The following SPAG16 variants were observed in gnomAD, a reference collection of about 807,000 sequenced individuals.
SPAG16 encodes the protein sperm-associated antigen 16 protein.
SPAG16 carries 86 observed loss-of-function variants against 80.4 expected under a neutral mutation model. The ratio of observed to expected loss-of-function variants is 1.07; its 90% CI spans 0.90 to 1.28. SPAG16 has a LOEUF of 1.28. Among genes scored for constraint, SPAG16 ranks in the 50% most tolerant of loss-of-function variants. The probability of loss-of-function intolerance (pLI) is 0.00; values close to 1 mark genes in which losing one functional copy is unlikely to be tolerated. For missense variants in SPAG16, 870 were observed against 765.3 expected, an observed-to-expected ratio of 1.14 and a Z score of -1.61; for synonymous variants, 294 against 265.9, an observed-to-expected ratio of 1.11 and a Z score of -1.03.
At chr2:213,288,681 T>G (rs2126048434) in intron 1 of SPAG16, among the ~76,000 whole-genome samples, 1 of 152,118 alleles carries the variant, frequency 6.6e-6, no homozygotes, top group African/African-American at 2.4e-5. Context: ...TGTAGTTGAG[T>G]AAGTAAAACA....
chr2:213,441,493 C>G (rs1341837475), intron 9 of SPAG16, among the ~76,000 whole-genome samples: 1 of 152,126 alleles, frequency 6.6e-6, no homozygotes, highest in Non-Finnish European at 1.5e-5. Flanking sequence ...GGGGTAGTGA[C>G]AAAATGGAAT....
intron 15 of SPAG16, among the ~76,000 whole-genome samples, chr2:214,259,723 C>T (rs1477207089): frequency 3.3e-5 from 5 of 151,746 alleles, no homozygotes; most frequent in Admixed American, 2.6e-4. Flanking sequence ...TTTTTGTTTT[C>T]GTCTGTATTC....
intron 11 of SPAG16, among the ~76,000 whole-genome samples, chr2:213,894,969 C>A (rs2106096474): frequency 1.1e-5 from 1 of 93,848 alleles, no homozygotes; most frequent in South Asian, 3.8e-4. Context: ...AGCGTGGCAA[C>A]AGAACAAGGC....
chr2:213,702,797 G>C (rs546254173), intron 10 of SPAG16, among the ~76,000 whole-genome samples: 3 of 152,240 alleles, frequency 2.0e-5, no homozygotes, highest in Non-Finnish European at 2.9e-5. Context: ...CCTATTTCTA[G>C]AGTTGATATA....
intron 10 of SPAG16, among the ~76,000 whole-genome samples, chr2:213,566,543 C>G (rs1378608074): frequency 6.6e-6 from 1 of 152,070 alleles, no homozygotes; most frequent in Admixed American, 6.6e-5. Context: ...AATTTCATAG[C>G]TATTATTTTA....
At position 214,138,647 on chromosome 2, in the gene SPAG16, T is replaced by G. The variant is rs957984422; in HGVS notation, c.1594-10493T>G. 2.0e-5 allele frequency among the ~76,000 whole-genome samples: 3 copies of G among 152,162 alleles called. No individual in the cohort carries two copies. In the South Asian group the frequency reaches 6.2e-4, roughly 31 times the overall value. On this transcript the variant is annotated intron_variant, in intron 14 of 15. Transcript: ENST00000331683. ...AACCAAAACTCAAATACCACCTGAC[T>G]TCCTGAATGGTCTTACTCTTATTAG...
intron 15 of SPAG16, chr2:214,239,261 T>C (rs1363900646): frequency 6.6e-6 from 1 of 152,196 alleles, no homozygotes; most frequent in East Asian, 1.9e-4. Flanking sequence ...CACAAATTCC[T>C]GTCCTCAAGC....
At chr2:214,307,919 T>G (rs1695031577) in intron 15 of SPAG16, among the ~76,000 whole-genome samples, 1 of 152,224 alleles carries the variant, frequency 6.6e-6, no homozygotes, top group African/African-American at 2.4e-5. Context: ...GATCCAGTGC[T>G]GAGTTCAGTT....
At chr2:213,319,365 A>G (rs1167426630) in intron 5 of SPAG16, among the ~76,000 whole-genome samples, 1 of 151,938 alleles carries the variant, frequency 6.6e-6, no homozygotes, top group East Asian at 1.9e-4. Flanking sequence ...TTATTCAAGT[A>G]TTATCTGTAC....
rs1213012598 is a variant in SPAG16, at chr2:213,391,199, T to TGGA, written c.942+16083_942+16085dup. Reference sequence around the variant, plus strand: ...AGGAGAATAACTTGAACCCAGGAGGTGGAGGTTGCAGTGAGCTGAGATGGC... The same window carrying TGGA: ...AGGAGAATAACTTGAACCCAGGAGGTGGAGGAGGTTGCAGTGAGCTGAGATGGC... On this transcript the variant is annotated intron_variant, in intron 9 of 15. Coordinates refer to ENST00000331683, the MANE Select transcript of SPAG16 (RefSeq NM_024532.5). Among the ~76,000 whole-genome samples, 5 of 151,998 alleles carry TGGA rather than the reference T, an allele frequency of 3.3e-5. No individual in the cohort carries two copies. In the East Asian group the frequency reaches 9.7e-4, roughly 30 times the overall value.
intron 14 of SPAG16, among the ~76,000 whole-genome samples, chr2:214,124,662 G>T (rs1352425245): frequency 6.6e-6 from 1 of 151,746 alleles, no homozygotes; most frequent in African/African-American, 2.4e-5. Context: ...CCACTTAATT[G>T]TATGTTGGTG....
Position 214,328,628 on chromosome 2 carries a change from C to G in SPAG16, c.1721-81512C>G, listed in dbSNP as rs1001657137. ...TGAAATGGATTTAAATCTCGTATCT[C>G]AAATTCTATCTATCTTTAAATCTAT... On this transcript the variant is annotated intron_variant, in intron 15 of 15. Coordinates refer to ENST00000331683, the MANE Select transcript of SPAG16 (RefSeq NM_024532.5). Among the ~76,000 whole-genome samples, 4 of 152,280 alleles carry G rather than the reference C, an allele frequency of 2.6e-5. No homozygotes were observed. The East Asian group carries it at 5.8e-4, about 22-fold the overall frequency.
chr2:213,459,223 G>T (rs2072218963), intron 9 of SPAG16, among the ~76,000 whole-genome samples: 1 of 152,100 alleles, frequency 6.6e-6, no homozygotes, highest in Non-Finnish European at 1.5e-5. Flanking sequence ...AGTTTCTAAT[G>T]TCCATCATTT....
At chr2:214,324,329 A>C (rs1042367111) in intron 15 of SPAG16, among the ~76,000 whole-genome samples, 4 of 152,190 alleles carry the variant, frequency 2.6e-5, no homozygotes, top group Non-Finnish European at 4.4e-5. Context: ...TAAAGTTTTT[A>C]GTATTTCAAT....
At chr2:213,914,798 T>C (rs1221353190) in intron 11 of SPAG16, among the ~76,000 whole-genome samples, 5 of 152,042 alleles carry the variant, frequency 3.3e-5, no homozygotes, top group Non-Finnish European at 7.4e-5. Flanking sequence ...TTGGAAAGAG[T>C]CTGTTCTTGT....
intron 15 of SPAG16, among the ~76,000 whole-genome samples, chr2:214,195,599 G>A (rs147776944): frequency 6.6e-4 from 100 of 152,052 alleles, no homozygotes; most frequent in African/African-American, 2.4e-3. Context: ...GGAGTGCAGA[G>A]GTGAGTAAGG....
chr2:213,647,855 C>T (rs148857374), intron 10 of SPAG16, among the ~76,000 whole-genome samples: 368 of 152,238 alleles, frequency 2.4e-3, no homozygotes, highest in South Asian at 5.2e-3. Context: ...CAGGACTAAA[C>T]GAGACTTGAA....
At chr2:214,186,174 C>T (rs1286302960) in intron 15 of SPAG16, among the ~76,000 whole-genome samples, 1 of 152,140 alleles carries the variant, frequency 6.6e-6, no homozygotes, top group African/African-American at 2.4e-5. Context: ...TCCCTGACAC[C>T]TTCACCCTAC....
intron 9 of SPAG16, among the ~76,000 whole-genome samples, chr2:213,479,934 A>AAT (rs112334899): frequency 0.023 from 3,530 of 152,262 alleles, 56 homozygotes; most frequent in South Asian, 0.038. Flanking sequence ...AAACATGTAG[A>AAT]ATATATCTCT....
Sources: allele counts gnomAD v4.1 joint callset (sites outside exome capture counted in the v4.1 genomes callset), GRCh38; gene constraint gnomAD v4.1.1; transcripts MANE v1.5; gene names NCBI Gene and HGNC (gene_info 2026-07-23, HGNC 2026-07-21).